The following COL14A1 variants were observed in gnomAD, a reference collection of about 807,000 sequenced individuals.
COL14A1 encodes the protein collagen type XIV alpha 1 chain.
COL14A1 carries 136 observed loss-of-function variants against 230.3 expected under a neutral mutation model. That is an observed-to-expected ratio of 0.59 (90% CI 0.51 to 0.68). COL14A1 has a LOEUF of 0.68. Ranked by LOEUF, COL14A1 falls within the 30% of genes least tolerant of loss-of-function variation. The probability of loss-of-function intolerance (pLI) is 0.00; values close to 1 mark genes in which losing one functional copy is unlikely to be tolerated. For missense variants in COL14A1, 1,976 were observed against 2,215.8 expected (o/e 0.89, Z 2.17); for synonymous variants, 792 against 784.1 (o/e 1.01, Z -0.17).
intron 31 of COL14A1, among the ~76,000 whole-genome samples, chr8:120,282,262 T>C (rs920378522): frequency 2.0e-5 from 3 of 152,224 alleles, no homozygotes; most frequent in South Asian, 2.1e-4. Flanking sequence ...TGTTTCTATC[T>C]CTGGATCCCC....
chr8:120,213,898 A>G (rs1387706579), intron 13 of COL14A1: 1 of 396,318 alleles, frequency 2.5e-6, no homozygotes, highest in Non-Finnish European at 4.9e-6. Context: ...CTACTTAATT[A>G]TATTGCTTTT....
At chr8:120,296,959 T>C (rs1437206802) in intron 34 of COL14A1, among the ~76,000 whole-genome samples, 1 of 152,054 alleles carries the variant, frequency 6.6e-6, no homozygotes, top group East Asian at 1.9e-4. Flanking sequence ...AAAATGTTTG[T>C]ATCCTAAAAG....
intron 43 of COL14A1, among the ~76,000 whole-genome samples, chr8:120,341,614 T>C (rs1251268838): frequency 6.6e-6 from 1 of 152,192 alleles, no homozygotes; most frequent in African/African-American, 2.4e-5. Context: ...TGGGCTCTTT[T>C]CTTTAAGGAT....
intron 22 of COL14A1, among the ~76,000 whole-genome samples, chr8:120,254,266 C>T (rs1819067258): frequency 6.6e-6 from 1 of 152,116 alleles, no homozygotes; most frequent in Non-Finnish European, 1.5e-5. Context: ...TTTCTATTGT[C>T]TTGTAGAAAC....
intron 17 of COL14A1, among the ~76,000 whole-genome samples, chr8:120,227,978 G>T (rs1047696881): frequency 2.6e-5 from 4 of 152,164 alleles, no homozygotes; most frequent in African/African-American, 9.7e-5. Context: ...GCAGGAGGGG[G>T]CATGGGAAGA....
chr8:120,363,593 A>T (rs780016266), intron 45 of COL14A1, among the ~76,000 whole-genome samples: 29 of 152,214 alleles, frequency 1.9e-4, no homozygotes, highest in South Asian at 6.2e-4. Flanking sequence ...AAAATAAATT[A>T]AAAAATAATA....
intron 19 of COL14A1, among the ~76,000 whole-genome samples, chr8:120,237,125 GT>G (rs1253407990): frequency 1.3e-5 from 2 of 152,104 alleles, no homozygotes; most frequent in African/African-American, 4.8e-5. Flanking sequence ...TTGTGATGTT[GT>G]CTGTATTTCC....
At chr8:120,132,687 C>T (rs1488563283) in intron 1 of COL14A1, among the ~76,000 whole-genome samples, 1 of 151,524 alleles carries the variant, frequency 6.6e-6, no homozygotes, top group African/African-American at 2.4e-5. Context: ...TGTTCTGTCA[C>T]CCAGGCTGTG....
intron 40 of COL14A1, among the ~76,000 whole-genome samples, chr8:120,322,151 C>CT (rs776122871): frequency 6.9e-4 from 102 of 146,818 alleles, no homozygotes; most frequent in Non-Finnish European, 1.3e-3. Context: ...CATGTTCTCA[C>CT]TTATAAGTGG....
chr8:120,186,138 C>T (rs1449748930), intron 5 of COL14A1, among the ~76,000 whole-genome samples: 1 of 152,204 alleles, frequency 6.6e-6, no homozygotes, highest in Admixed American at 6.5e-5. Flanking sequence ...AAAAGTCAGA[C>T]TTTGCCAATG....
At chr8:120,150,487 T>C (rs1296411769) in intron 2 of COL14A1, among the ~76,000 whole-genome samples, 2 of 152,154 alleles carry the variant, frequency 1.3e-5, no homozygotes, top group East Asian at 1.9e-4. Flanking sequence ...TAGGGAAATA[T>C]TGAAGATAAA....
At chr8:120,344,571 T>C (rs1466968214) in intron 44 of COL14A1, among the ~76,000 whole-genome samples, 1 of 152,232 alleles carries the variant, frequency 6.6e-6, no homozygotes, top group African/African-American at 2.4e-5. Context: ...CTACTTACAG[T>C]GACAATCCAA....
In COL14A1 at chr8:120,332,721, G is replaced by A. The variant is rs370064596; in HGVS notation, c.4771G>A (p.Ala1591Thr). 25 of 1,612,788 alleles carry A rather than the reference G, an allele frequency of 1.6e-5. No individual in the cohort carries two copies. Among genetic ancestry groups the A allele is most frequent in the Admixed American group, 5.0e-5 (3 of 59,946 alleles). The change falls in exon 42 of 48, where the codon GCC becomes ACC. Residue 1591 changes from alanine to threonine, a missense_variant. Ala to Thr is a moderately conservative substitution (Grantham distance 58). Coordinates refer to ENST00000297848, the MANE Select transcript of COL14A1 (RefSeq NM_021110.4). Reference sequence around the variant, plus strand: ...CACAGGAAGCATGGGACCGCAAGGCGCCCTGGGACCACCTGTGAGTATGCA... The same window carrying A: ...CACAGGAAGCATGGGACCGCAAGGCACCCTGGGACCACCTGTGAGTATGCA... ...GITGSMGPQG[A>T]LGPPGVPGAK...
intron 18 of COL14A1, 60 bp from the exon 19 acceptor site, chr8:120,231,407 G>C: frequency 6.4e-7 from 1 of 1,555,744 alleles, no homozygotes; most frequent in Non-Finnish European, 8.8e-7. Flanking sequence ...TATTCTCTGT[G>C]GCTCATTTTG....
rs777602566 is a variant in COL14A1, at chr8:120,280,078, G to C, written c.3625G>C (p.Val1209Leu). The change falls in exon 29 of 48, where the codon GTC (valine) becomes CTC (leucine). Residue 1209 changes from valine to leucine, a missense_variant. Coordinates refer to ENST00000297848, the MANE Select transcript of COL14A1 (RefSeq NM_021110.4). ...AATCGAAGATGAGTTAATTACTTTT[G>C]TCTGCGAAACAGCATCAGCAAGTTA... Reference protein sequence around the residue: ...KKIEDELITFVCETASATCPV... With the variant: ...KKIEDELITFLCETASATCPV... 1 of 1,613,708 alleles carries C rather than the reference G, an allele frequency of 6.2e-7. No individual in the cohort carries two copies. Among genetic ancestry groups the C allele is most frequent in the Non-Finnish European group, 8.5e-7 (1 of 1,179,752 alleles).
At chr8:120,315,112 G>A (rs73329097) in intron 38 of COL14A1, among the ~76,000 whole-genome samples, 3,023 of 152,288 alleles carry the variant, frequency 0.02, 108 homozygotes, top group African/African-American at 0.069. Context: ...GCTCATGCCT[G>A]TAATCCTAAA....
intron 5 of COL14A1, among the ~76,000 whole-genome samples, chr8:120,192,956 T>C (rs1816880080): frequency 6.6e-6 from 1 of 152,220 alleles, no homozygotes; most frequent in Admixed American, 6.5e-5. Flanking sequence ...TCTAAATTTT[T>C]TTCAAAGTTT....
chr8:120,341,002 G>A (rs748479748), intron 42 of COL14A1, among the ~76,000 whole-genome samples: 9 of 151,940 alleles, frequency 5.9e-5, no homozygotes, highest in Admixed American at 1.3e-4. Context: ...ATAGAGTGGC[G>A]TTTAGGGTGG....
chr8:120,356,997 AT>A (rs71306875), intron 45 of COL14A1, among the ~76,000 whole-genome samples: 11 of 151,688 alleles, frequency 7.3e-5, no homozygotes, highest in African/African-American at 2.4e-4. Context: ...TCTTTTATTG[AT>A]TTTTTTTATT....
Sources: gnomAD v4.1 joint callset for allele counts (sites outside exome capture counted in the v4.1 genomes callset) on GRCh38, gnomAD v4.1.1 for gene constraint, MANE v1.5 for transcripts, NCBI Gene and HGNC (gene_info 2026-07-23, HGNC 2026-07-21) for gene names.